Variants in CACNB2 observed in about 807,000 individuals in gnomAD.
The protein encoded by CACNB2 is voltage-dependent L-type calcium channel subunit beta-2.
In CACNB2, 42 loss-of-function variants were observed where a neutral mutation model predicts 73.3. The ratio of observed to expected loss-of-function variants is 0.57; its 90% CI spans 0.45 to 0.74. The LOEUF (loss-of-function observed/expected upper bound fraction) is 0.74. Among genes scored for constraint, CACNB2 ranks in the 30% least tolerant of loss-of-function variants. The pLI is 0.00. For synonymous variants in CACNB2, 348 were observed against 310.3 expected (o/e 1.12, Z -1.28); for missense variants, 940 against 853.0 (o/e 1.10, Z -1.27).
chr10:18,462,227 C>T (rs750453184), intron 3 of CACNB2, among the ~76,000 whole-genome samples: 7 of 152,168 alleles, frequency 4.6e-5, no homozygotes, highest in Admixed American at 1.3e-4. Flanking sequence ...TTTACACTGC[C>T]TGTAAGACAG....
At chr10:18,450,626 CTTT>C (rs34566433) in intron 3 of CACNB2, among the ~76,000 whole-genome samples, 2 of 130,940 alleles carry the variant, frequency 1.5e-5, no homozygotes, top group Admixed American at 7.8e-5. Context: ...GCTTTTTTTT[CTTT>C]TTTTTTTTTT....
rs370913192 is a variant in CACNB2, at chr10:18,232,825, T to C, written c.213+81850T>C. Among the ~76,000 whole-genome samples the C allele has an allele frequency of 4.9e-4, 74 of 152,312 alleles. 1 individual carries two copies. In the South Asian group the frequency reaches 0.012, roughly 24 times the overall value. ...TAGAGAGGCTGGGTGCAGTGGCTCA[T>C]GCCTGTAATCCCGGCATTCTGGGAA... On this transcript the variant is annotated intron_variant, in intron 2 of 13. Transcript: ENST00000324631.
intron 2 of CACNB2, among the ~76,000 whole-genome samples, chr10:18,290,240 C>A (rs961580731): frequency 6.7e-6 from 1 of 149,786 alleles, no homozygotes. Flanking sequence ...TTGGTCAGGC[C>A]GGTCCCAAAC....
chr10:18,149,318 T>A (rs552712634), intron 1 of CACNB2, among the ~76,000 whole-genome samples: 1 of 152,296 alleles, frequency 6.6e-6, no homozygotes, highest in South Asian at 2.1e-4. Flanking sequence ...TTTCAACAGT[T>A]TACTGAATAA....
At chr10:18,196,979 TCCTCTCCTCC>T (rs1297411146) in intron 2 of CACNB2, among the ~76,000 whole-genome samples, 1 of 151,878 alleles carries the variant, frequency 6.6e-6, no homozygotes, top group African/African-American at 2.4e-5. Flanking sequence ...TCCTCTCCCC[TCCTCTCCTCC>T]CCTCTCCTCC....
intron 2 of CACNB2, among the ~76,000 whole-genome samples, chr10:18,176,722 A>G (rs950649738): frequency 6.6e-6 from 1 of 151,374 alleles, no homozygotes; most frequent in Non-Finnish European, 1.5e-5. Context: ...GTCTCCACGT[A>G]CCAGCTTCCA....
chr10:18,281,979 C>CA (rs10542258), intron 2 of CACNB2, among the ~76,000 whole-genome samples: 825 of 69,222 alleles, frequency 0.012, 5 homozygotes, highest in South Asian at 0.017. Context: ...GACTCCATCT[C>CA]AAAAAAAAAA....
intron 2 of CACNB2, among the ~76,000 whole-genome samples, chr10:18,183,037 G>T (rs185966672): frequency 2.4e-4 from 36 of 151,988 alleles, no homozygotes; most frequent in African/African-American, 8.4e-4. Flanking sequence ...GGGCATTGTG[G>T]TTGAGAGATT....
rs936024045 is a variant in CACNB2 at position 18,174,110 on chromosome 10, C to T, written c.213+23135C>T. On this transcript the variant is annotated intron_variant, in intron 2 of 13. Transcript: ENST00000324631. The stretch of plus-strand genomic sequence containing the variant: ...AAAAATTTTCTTGTCTTTGCTTAAT[C>T]TTACCATTGTTTGAAAGAAGTGAAA... Among the ~76,000 whole-genome samples, 10 of 152,258 alleles carry T rather than the reference C, an allele frequency of 6.6e-5. No individual in the cohort carries two copies. In the South Asian group the frequency reaches 2.1e-3, roughly 32 times the overall value.
Position 18,412,290 on chromosome 10 carries a change from A to T in CACNB2, c.333+10247A>T, listed in dbSNP as rs561754653. On this transcript the variant is annotated intron_variant, in intron 3 of 13. Transcript: ENST00000324631. Reference sequence around the variant, plus strand: ...CCAAGGGTGTGGATTCAGGTGGGATATGTTGCAACCACTTTCTGCAAACAA... The same window carrying T: ...CCAAGGGTGTGGATTCAGGTGGGATTTGTTGCAACCACTTTCTGCAAACAA... Among the ~76,000 whole-genome samples, 182 of 152,198 alleles carry T rather than the reference A, an allele frequency of 1.2e-3. 1 individual carries two copies. In the Middle Eastern group the frequency reaches 0.017, roughly 14 times the overall value.
chr10:18,150,867 T>TTTTTTTTTTTG lies in CACNB2; in HGVS notation c.121-6_121-5insGTTTTTTTTTT. ...TAATCTTATTTGTCTTTTTTTTTTT[T>TTTTTTTTTTTG]TTTTTTTTTTTTTAGTCATATGGAA... On this transcript the variant is annotated splice_polypyrimidine_tract_variant and intron_variant, in intron 1 of 13. Coordinates refer to ENST00000324631, the MANE Select transcript of CACNB2 (RefSeq NM_201596.3). 9.0e-7 allele frequency: 1 copy of TTTTTTTTTTTG among 1,114,282 alleles called. No homozygotes were observed. Among genetic ancestry groups the TTTTTTTTTTTG allele is most frequent in the Non-Finnish European group, 1.2e-6 (1 of 816,328 alleles). The allele number at this position is 1,114,282 out of a possible 1,614,324, so 69.0% of individuals were successfully genotyped here.
chr10:18,368,240 C>T lies in CACNB2; in HGVS notation c.214-33684C>T, dbSNP rs2042435555. ...ATTGTAAATTTCAAAATGGTCATTT[C>T]TACTAATATGGGCATTATTTTTCCA... On this transcript the variant is annotated intron_variant, in intron 2 of 13. Transcript: ENST00000324631. 2.0e-5 allele frequency among the ~76,000 whole-genome samples: 3 copies of T among 152,214 alleles called. No homozygotes were observed. The South Asian group carries it at 6.2e-4, about 32-fold the overall frequency.
chr10:18,282,486 G>C (rs772187297), intron 2 of CACNB2, among the ~76,000 whole-genome samples: 9 of 152,220 alleles, frequency 5.9e-5, no homozygotes, highest in Non-Finnish European at 1.0e-4. Context: ...TTTACCAGTA[G>C]TCATTTAAAG....
rs112194324 is a variant in CACNB2, at chr10:18,509,781, C to T, written c.670+3234C>T. On this transcript the variant is annotated intron_variant, in intron 6 of 13. Transcript: ENST00000324631. ...CTCCAGCCTGGGCCACAGAGGGAGACCCTGTCTCAAATAAATAAATAAACA... is the reference window on the plus strand; with the variant it reads ...CTCCAGCCTGGGCCACAGAGGGAGATCCTGTCTCAAATAAATAAATAAACA... Among the ~76,000 whole-genome samples the T allele has an allele frequency of 9.6e-3, 1,467 of 152,088 alleles. 27 individuals are homozygous for T. The highest frequency in any genetic ancestry group is 0.032 in the African/African-American group (1,322 of 41,470).
chr10:18,472,323 A>C (rs1183561178), intron 3 of CACNB2, among the ~76,000 whole-genome samples: 1 of 139,226 alleles, frequency 7.2e-6, no homozygotes, highest in African/African-American at 2.7e-5. Flanking sequence ...TGCAACCTCT[A>C]CCTCCTGGGT....
chr10:18,246,424 A>C (rs772650058), intron 2 of CACNB2, among the ~76,000 whole-genome samples: 2 of 152,114 alleles, frequency 1.3e-5, no homozygotes, highest in African/African-American at 2.4e-5. Flanking sequence ...ACATTTTTAC[A>C]ATGTCTTCTC....
intron 1 of CACNB2, among the ~76,000 whole-genome samples, chr10:18,148,221 C>T (rs1255898879): frequency 2.6e-5 from 4 of 152,080 alleles, no homozygotes; most frequent in African/African-American, 9.7e-5. Flanking sequence ...TTTGCTCTAA[C>T]ACTCTTAAGG....
At chr10:18,537,711 A>C (rs534484123) in intron 12 of CACNB2, among the ~76,000 whole-genome samples, 2 of 152,308 alleles carry the variant, frequency 1.3e-5, no homozygotes, top group Admixed American at 1.3e-4. Flanking sequence ...TGGGAGGCCA[A>C]GGTTGCACTG....
rs1457911789 is a variant in CACNB2, at chr10:18,539,594, A to T, written c.1853A>T (p.His618Leu). The T allele has an allele frequency of 6.2e-7, 1 of 1,613,852 alleles. No homozygotes were observed. The highest frequency in any genetic ancestry group is 8.5e-7 in the Non-Finnish European group (1 of 1,179,940). ...RSRDVDREQDHNECNKQRSRH... is the reference protein window; with the variant it reads ...RSRDVDREQDLNECNKQRSRH... ...CGGGACGTGGATCGAGAGCAGGACC[A>T]CAACGAGTGCAACAAGCAGCGCAGC... The change falls in exon 14 of 14, where the codon CAC becomes CTC. Residue 618 changes from histidine to leucine, a missense_variant. His to Leu is a moderately conservative substitution (Grantham distance 99, BLOSUM62 -3). Transcript: ENST00000324631.
Sources: allele counts gnomAD v4.1 joint callset (sites outside exome capture counted in the v4.1 genomes callset), GRCh38; gene constraint gnomAD v4.1.1; transcripts MANE v1.5; gene names NCBI Gene and HGNC (gene_info 2026-07-23, HGNC 2026-07-21).